The following EPRS1 variants were observed in gnomAD, a reference collection of about 807,000 sequenced individuals.
EPRS1 encodes glutamyl-prolyl-tRNA synthetase 1.
In EPRS1, 107 loss-of-function variants were observed where a neutral mutation model predicts 188.3. The ratio of observed to expected loss-of-function variants is 0.57; its 90% CI spans 0.49 to 0.67. EPRS1 has a LOEUF of 0.67. Among genes scored for constraint, EPRS1 ranks in the 30% least tolerant of loss-of-function variants. The pLI is 0.00. For synonymous variants in EPRS1, 596 were observed against 593.1 expected, an observed-to-expected ratio of 1.00 and a Z score of -0.07; for missense variants, 1,577 against 1,802.2, an observed-to-expected ratio of 0.88 and a Z score of 2.26.
chr1:220,033,466 C>T (rs199820135), intron 4 of EPRS1, 36 bp downstream of exon 4: 18 of 1,473,818 alleles, frequency 1.2e-5, no homozygotes, highest in East Asian at 6.8e-5. Context: ...AAATATTAAA[C>T]GATTAAAACA....
chr1:219,975,587 C>A (rs962177857), intron 28 of EPRS1, among the ~76,000 whole-genome samples: 10 of 152,058 alleles, frequency 6.6e-5, no homozygotes, highest in Admixed American at 6.6e-4. Flanking sequence ...CAGGCACCCA[C>A]CACAAAGCCC....
At chr1:219,973,194 T>G (rs1275800252) in intron 29 of EPRS1, 44 bp downstream of exon 29, 2 of 1,554,008 alleles carry the variant, frequency 1.3e-6, no homozygotes, top group Admixed American at 1.7e-5. Context: ...TCAAAGGTGG[T>G]GGAAGATCTG....
At chr1:219,969,285 A>C in intron 30 of EPRS1, 163 bp from the exon 31 acceptor site, 1 of 610,544 alleles carries the variant, frequency 1.6e-6, no homozygotes, top group Non-Finnish European at 2.9e-6. Flanking sequence ...AACTTTGCTC[A>C]GTTATAAAAG....
intron 12 of EPRS1, chr1:220,018,033 G>T: frequency 1.6e-6 from 1 of 628,110 alleles, no homozygotes; most frequent in Non-Finnish European, 2.5e-6. Context: ...TTATATAAAT[G>T]TGATTGTGCT....
chr1:220,046,435 A>G lies in EPRS1; in HGVS notation c.-47T>C. ...CCTGTCAGTACGCCTGGCTCGTGCCAGAACTACGGAGGACCCCGCGAAAGG... is the reference window on the plus strand; with the variant it reads ...CCTGTCAGTACGCCTGGCTCGTGCCGGAACTACGGAGGACCCCGCGAAAGG... On this transcript the variant is annotated 5_prime_UTR_variant, in exon 1 of 32. Transcript: ENST00000366923. The G allele has an allele frequency of 6.2e-7, 1 of 1,611,416 alleles. No homozygotes were observed. The highest frequency in any genetic ancestry group is 8.5e-7 in the Non-Finnish European group (1 of 1,179,120).
rs1662122197 is a variant in EPRS1 at position 220,033,432 on chromosome 1, AATAT to A, written c.388+66_388+69del. On this transcript the variant is annotated intron_variant, in intron 4 of 31. Coordinates refer to ENST00000366923, the MANE Select transcript of EPRS1 (RefSeq NM_004446.3). Reference sequence around the variant, plus strand: ...ATATACATACATGCATACACACAGAAATATATATAATTTTTATCCAGCAAAATAT... The same window carrying A: ...ATATACATACATGCATACACACAGAAATATAATTTTTATCCAGCAAAATAT... 8 of 1,163,534 alleles carry A rather than the reference AATAT, an allele frequency of 6.9e-6. No homozygotes were observed. The South Asian group carries it at 8.5e-5, about 12-fold the overall frequency. 72.1% of individuals were successfully genotyped at this position (1,163,534 alleles called of 1,614,324 possible).
intron 14 of EPRS1, among the ~76,000 whole-genome samples, chr1:220,006,796 G>A (rs1057197820): frequency 6.6e-6 from 1 of 152,110 alleles, no homozygotes; most frequent in African/African-American, 2.4e-5. Flanking sequence ...GCACACTATA[G>A]TAACTAGAAA....
At chr1:220,022,083 T>C (rs1294522859) in intron 9 of EPRS1, among the ~76,000 whole-genome samples, 2 of 151,344 alleles carry the variant, frequency 1.3e-5, no homozygotes, top group Non-Finnish European at 2.9e-5. Flanking sequence ...GTATACCTAA[T>C]CAATACAAAA....
chr1:220,043,732 A>G (rs1359262080), intron 1 of EPRS1, among the ~76,000 whole-genome samples: 1 of 152,238 alleles, frequency 6.6e-6, no homozygotes, highest in African/African-American at 2.4e-5. Context: ...ATATCAGACA[A>G]CTTAAACAGA....
At chr1:219,988,014 A>T (rs1007060555) in intron 19 of EPRS1, among the ~76,000 whole-genome samples, 23 of 152,298 alleles carry the variant, frequency 1.5e-4, no homozygotes, top group South Asian at 8.3e-4. Context: ...GAGCCATTAA[A>T]TTACATAAGT....
intron 18 of EPRS1, among the ~76,000 whole-genome samples, chr1:219,996,006 C>T (rs78167275): frequency 0.018 from 2,673 of 152,244 alleles, 81 homozygotes; most frequent in African/African-American, 0.061. Context: ...TTTCTGGCAG[C>T]TCATCAGGGG....
chr1:220,024,337 A>G lies in EPRS1; in HGVS notation c.870T>C (p.Tyr290=), dbSNP rs1661932450. The G allele has an allele frequency of 4.3e-6, 7 of 1,613,630 alleles. No individual in the cohort carries two copies. Among genetic ancestry groups the G allele is most frequent in the South Asian group, 3.3e-5 (3 of 91,062 alleles). Residue 290 remains tyrosine, a synonymous_variant, in exon 8 of 32, where the codon TAT becomes TAC. Transcript: ENST00000366923. The part of the protein sequence containing the change: ...AEKLIQEGKA[Y]VDDTPAEQMK... ...TCTGTTCAGCAGGAGTATCATCCACATAAGCCTTCCCTTCTTGAATTAGCT... is the reference window on the plus strand; with the variant it reads ...TCTGTTCAGCAGGAGTATCATCCACGTAAGCCTTCCCTTCTTGAATTAGCT...
At chr1:220,001,754 C>T (rs907550686) in intron 16 of EPRS1, among the ~76,000 whole-genome samples, 24 of 152,170 alleles carry the variant, frequency 1.6e-4, no homozygotes, top group Admixed American at 1.5e-3. Flanking sequence ...CTTGGCCGGG[C>T]GCAGTGGCTC....
chr1:219,995,003 T>C (rs1661205125), intron 18 of EPRS1, among the ~76,000 whole-genome samples: 1 of 152,160 alleles, frequency 6.6e-6, no homozygotes, highest in South Asian at 2.1e-4. Context: ...TGCACCATTT[T>C]GCTTAAAGTC....
At chr1:219,989,671 T>C (rs145694284) in intron 18 of EPRS1, among the ~76,000 whole-genome samples, 20 of 152,332 alleles carry the variant, frequency 1.3e-4, no homozygotes, top group African/African-American at 4.3e-4. Flanking sequence ...AGGATACCAA[T>C]GGTATACCTT....
intron 18 of EPRS1, among the ~76,000 whole-genome samples, chr1:219,989,396 C>T (rs1000948175): frequency 2.0e-5 from 3 of 150,962 alleles, no homozygotes; most frequent in Admixed American, 2.0e-4. Context: ...TCAGCCCCAC[C>T]GAGACACTTG....
chr1:220,012,282 T>G (rs1661619413), intron 12 of EPRS1, among the ~76,000 whole-genome samples: 1 of 152,220 alleles, frequency 6.6e-6, no homozygotes, highest in South Asian at 2.1e-4. Context: ...CAGCTTCTAC[T>G]GGGCTGGAAT....
At chr1:219,970,274 C>A (rs1004988182) in intron 30 of EPRS1, among the ~76,000 whole-genome samples, 1 of 152,136 alleles carries the variant, frequency 6.6e-6, no homozygotes, top group African/African-American at 2.4e-5. Flanking sequence ...TGAATAATCT[C>A]CACATATTAG....
At chr1:219,984,322 T>C in intron 20 of EPRS1, 65 bp from the exon 21 acceptor site, 2 of 1,127,342 alleles carry the variant, frequency 1.8e-6, no homozygotes, top group Non-Finnish European at 1.3e-6. Context: ...TGAATAAAAA[T>C]AAACCTCTAA....
Sources: gnomAD v4.1 joint callset for allele counts (sites outside exome capture counted in the v4.1 genomes callset) on GRCh38, gnomAD v4.1.1 for gene constraint, MANE v1.5 for transcripts, NCBI Gene and HGNC (gene_info 2026-07-23, HGNC 2026-07-21) for gene names.